Variants in CAMK2D observed in about 807,000 individuals in gnomAD.
CAMK2D encodes the protein calcium/calmodulin-dependent protein kinase type II subunit delta.
CAMK2D carries 37 observed loss-of-function variants against 84.0 expected under a neutral mutation model. The observed-to-expected ratio is 0.44, with a 90% CI of 0.34 to 0.58. The LOEUF is 0.58. CAMK2D is among the 20% of genes least tolerant of loss of function. The pLI, the probability that CAMK2D is intolerant of heterozygous loss-of-function variation, is 0.02. For missense variants in CAMK2D, 448 were observed against 652.5 expected, an observed-to-expected ratio of 0.69 and a Z score of 3.41; for synonymous variants, 202 against 212.5, an observed-to-expected ratio of 0.95 and a Z score of 0.43.
chr4:113,587,097 G>C (rs750475526), intron 4 of CAMK2D, among the ~76,000 whole-genome samples: 12 of 152,150 alleles, frequency 7.9e-5, no homozygotes, highest in Admixed American at 2.0e-4. Flanking sequence ...GCAAATCTAA[G>C]TTTAAATCCT....
At chr4:113,530,013 A>T (rs1004893843) in intron 8 of CAMK2D, among the ~76,000 whole-genome samples, 1 of 152,214 alleles carries the variant, frequency 6.6e-6, no homozygotes, top group Non-Finnish European at 1.5e-5. Flanking sequence ...GAAACACAGC[A>T]ATCTGTCATT....
intron 3 of CAMK2D, among the ~76,000 whole-genome samples, chr4:113,613,745 C>T (rs1379622972): frequency 1.3e-5 from 2 of 152,006 alleles, no homozygotes; most frequent in African/African-American, 2.4e-5. Context: ...ACCAAAAATG[C>T]TAGCAAGTTG....
chr4:113,687,462 C>A (rs1357218913), intron 2 of CAMK2D, among the ~76,000 whole-genome samples: 1 of 152,198 alleles, frequency 6.6e-6, no homozygotes, highest in Admixed American at 6.5e-5. Context: ...CATGCAAACA[C>A]TGACAACCTA....
intron 2 of CAMK2D, among the ~76,000 whole-genome samples, chr4:113,672,669 T>C (rs2099294778): frequency 6.6e-6 from 1 of 151,694 alleles, no homozygotes; most frequent in South Asian, 2.1e-4. Flanking sequence ...ATATTTTAAT[T>C]CTATTAATTG....
chr4:113,711,726 T>C (rs1178737535), intron 2 of CAMK2D, among the ~76,000 whole-genome samples: 1 of 152,168 alleles, frequency 6.6e-6, no homozygotes, highest in African/African-American at 2.4e-5. Flanking sequence ...TGAAAACCTA[T>C]CACAGGGCCT....
intron 2 of CAMK2D, among the ~76,000 whole-genome samples, chr4:113,749,489 T>C (rs1203840270): frequency 6.6e-6 from 1 of 152,226 alleles, no homozygotes; most frequent in African/African-American, 2.4e-5. Context: ...ATAACATCCA[T>C]GATATGTATA....
At position 113,625,873 on chromosome 4, in the gene CAMK2D, T is replaced by C. The variant is rs1014128003; in HGVS notation, c.221-16667A>G. Among the ~76,000 whole-genome samples the C allele has an allele frequency of 2.6e-5, 4 of 151,708 alleles. No individual in the cohort carries two copies. In the South Asian group the frequency reaches 6.2e-4, roughly 24 times the overall value. On this transcript the variant is annotated intron_variant, in intron 3 of 20. Coordinates refer to ENST00000511664, the MANE Select transcript of CAMK2D (RefSeq NM_001321571.2). Reference sequence around the variant, plus strand: ...AAAGGTAGAAACACAGAAACATGCATGTAAAAAGTCAGGTGATGTAATCCC... The same window carrying C: ...AAAGGTAGAAACACAGAAACATGCACGTAAAAAGTCAGGTGATGTAATCCC...
chr4:113,543,785 T>C (rs1329113319), intron 6 of CAMK2D, among the ~76,000 whole-genome samples: 2 of 151,246 alleles, frequency 1.3e-5, no homozygotes, highest in Non-Finnish European at 2.9e-5. Context: ...TATTTATTTA[T>C]TTATTTATTT....
intron 2 of CAMK2D, among the ~76,000 whole-genome samples, chr4:113,665,146 G>A (rs1251862383): frequency 1.3e-5 from 2 of 152,164 alleles, no homozygotes; most frequent in Non-Finnish European, 2.9e-5. Flanking sequence ...GCTTTCTCTT[G>A]AAAAGCAGCT....
At chr4:113,687,348 A>G (rs751348214) in intron 2 of CAMK2D, among the ~76,000 whole-genome samples, 13 of 152,220 alleles carry the variant, frequency 8.5e-5, no homozygotes, top group Non-Finnish European at 1.8e-4. Context: ...CTAACCATCA[A>G]TTGATCTTAC....
At chr4:113,515,264 T>C in intron 9 of CAMK2D, 73 bp from the exon 10 acceptor site, 1 of 957,708 alleles carries the variant, frequency 1.0e-6, no homozygotes, top group Non-Finnish European at 1.6e-6. Context: ...GTCAACTACA[T>C]GAATCATTCC....
intron 2 of CAMK2D, among the ~76,000 whole-genome samples, chr4:113,743,205 A>G (rs1238541700): frequency 6.6e-6 from 1 of 152,224 alleles, no homozygotes; most frequent in Non-Finnish European, 1.5e-5. Context: ...GAATGACAAT[A>G]TCAAGGATTT....
chr4:113,466,112 C>T (rs1057297877), intron 16 of CAMK2D, among the ~76,000 whole-genome samples: 4 of 151,548 alleles, frequency 2.6e-5, no homozygotes, highest in Admixed American at 6.6e-5. Context: ...CAAAATTAGC[C>T]GGGCTTGGTG....
At chr4:113,498,185 G>C (rs2097969071) in intron 16 of CAMK2D, among the ~76,000 whole-genome samples, 1 of 152,138 alleles carries the variant, frequency 6.6e-6, no homozygotes, top group Non-Finnish European at 1.5e-5. Context: ...AAAAATAAGA[G>C]AGCATAATTA....
At chr4:113,659,035 C>G (rs2099215518) in intron 3 of CAMK2D, among the ~76,000 whole-genome samples, 1 of 152,108 alleles carries the variant, frequency 6.6e-6, no homozygotes, top group Non-Finnish European at 1.5e-5. Context: ...TAGAACTTTC[C>G]CCAGCATTCT....
At chr4:113,585,104 T>G (rs898606587) in intron 4 of CAMK2D, among the ~76,000 whole-genome samples, 2 of 152,150 alleles carry the variant, frequency 1.3e-5, no homozygotes, top group African/African-American at 4.8e-5. Context: ...CATAATGTGT[T>G]CAATTCCTTA....
intron 2 of CAMK2D, among the ~76,000 whole-genome samples, chr4:113,663,560 G>C (rs2099244487): frequency 6.6e-6 from 1 of 151,358 alleles, no homozygotes; most frequent in Non-Finnish European, 1.5e-5. Flanking sequence ...CTGCACTCCA[G>C]CCTGGGTGAC....
chr4:113,500,540 T>G lies in CAMK2D; in HGVS notation c.1087-29A>C. The G allele has an allele frequency of 2.0e-6, 3 of 1,505,588 alleles. No homozygotes were observed. In the South Asian group the frequency reaches 3.5e-5, roughly 18 times the overall value. 93.3% of individuals were successfully genotyped at this position (1,505,588 alleles called of 1,614,324 possible). Reference sequence around the variant, plus strand: ...ATGAGAAGAAAACACATTTTTAGGTTGCACGCAATGAATAGCTTGATTTCC... The same window carrying G: ...ATGAGAAGAAAACACATTTTTAGGTGGCACGCAATGAATAGCTTGATTTCC... On this transcript the variant is annotated intron_variant, in intron 15 of 20. Transcript: ENST00000511664.
intron 16 of CAMK2D, among the ~76,000 whole-genome samples, chr4:113,478,851 T>TA (rs887165094): frequency 7.9e-5 from 12 of 151,968 alleles, no homozygotes; most frequent in African/African-American, 2.7e-4. Context: ...TGTACAATTG[T>TA]AAAAAAAATG....
Sources: gnomAD v4.1 joint callset for allele counts (sites outside exome capture counted in the v4.1 genomes callset) on GRCh38, gnomAD v4.1.1 for gene constraint, MANE v1.5 for transcripts, NCBI Gene and HGNC (gene_info 2026-07-23, HGNC 2026-07-21) for gene names.